The following RNF152 variants were observed in gnomAD, a reference collection of about 807,000 sequenced individuals.
The protein encoded by RNF152 is ring finger protein 152, also known as E3 ubiquitin-protein ligase RNF152.
RNF152 carries 11 observed loss-of-function variants against 12.7 expected under a neutral mutation model. The ratio of observed to expected loss-of-function variants is 0.86; its 90% CI spans 0.54 to 1.43. The LOEUF (loss-of-function observed/expected upper bound fraction) is 1.43, where lower values mean the gene tolerates loss of function less well. Among genes scored for constraint, RNF152 ranks in the 40% most tolerant of loss-of-function variants. The pLI, the probability that RNF152 is intolerant of heterozygous loss-of-function variation, is 0.00. For synonymous variants in RNF152, 113 were observed against 120.3 expected (o/e 0.94, Z 0.40); for missense variants, 255 against 274.8 (o/e 0.93, Z 0.51).
intron 1 of RNF152, among the ~76,000 whole-genome samples, chr18:61,837,293 A>G (rs1159246457): frequency 6.6e-6 from 1 of 152,174 alleles, no homozygotes; most frequent in African/African-American, 2.4e-5. Flanking sequence ...CATGAACCAC[A>G]ATGAGATCCA....
rs554365479 is a variant in RNF152 at position 61,886,981 on chromosome 18, G to A, written c.-136+5814C>T. ...GAGTTGAGAGCTGAACTGAGGCTTC[G>A]ATGATAGGATAGAGGCAGAGGAAGG... is the stretch of plus-strand genomic sequence containing the variant. On this transcript the variant is annotated intron_variant, in intron 1 of 1. Transcript: ENST00000312828. Among the ~76,000 whole-genome samples the A allele has an allele frequency of 1.4e-4, 22 of 152,304 alleles. No individual in the cohort carries two copies. The East Asian group carries it at 4.2e-3, about 29-fold the overall frequency.
chr18:61,837,374 T>G (rs1397868408), intron 1 of RNF152, among the ~76,000 whole-genome samples: 1 of 152,214 alleles, frequency 6.6e-6, no homozygotes. Flanking sequence ...TAGATGATAT[T>G]GAATTAATGT....
At chr18:61,827,760 T>C (rs1460416488) in intron 1 of RNF152, among the ~76,000 whole-genome samples, 9 of 152,180 alleles carry the variant, frequency 5.9e-5, no homozygotes, top group South Asian at 2.1e-4. Flanking sequence ...AAGGCATTGG[T>C]ACTAAAATTA....
At chr18:61,820,917 C>T (rs76607281) in intron 1 of RNF152, among the ~76,000 whole-genome samples, 18,913 of 152,140 alleles carry the variant, frequency 0.12, 1,181 homozygotes, top group African/African-American at 0.14. Flanking sequence ...AGCCTGCTTT[C>T]TCCCTGGCCA....
intron 1 of RNF152, among the ~76,000 whole-genome samples, chr18:61,821,533 A>G (rs550309936): frequency 1.3e-5 from 2 of 152,338 alleles, no homozygotes; most frequent in South Asian, 4.1e-4. Flanking sequence ...CATCAACTAT[A>G]GAAGAAAGAA....
At position 61,809,023 on chromosome 18, in the gene RNF152, G is replaced by C. The variant is rs960007011; in HGVS notation, c.*6829C>G. 2 of 152,298 alleles carry C rather than the reference G, an allele frequency of 1.3e-5. No individual in the cohort carries two copies. Among genetic ancestry groups the C allele is most frequent in the African/African-American group, 4.8e-5 (2 of 41,448 alleles). 9.4% of individuals were successfully genotyped at this position (152,298 alleles called of 1,614,324 possible). On this transcript the variant is annotated 3_prime_UTR_variant, in exon 2 of 2. Transcript: ENST00000312828. ...AGTCCGTACTGGAATGACAGATTGT[G>C]CTTGACTAAGTTGTCCTAGTTGTCC...
At position 61,809,856 on chromosome 18, in the gene RNF152, G is replaced by GAAAAAAAAAA. The variant is rs56397865; in HGVS notation, c.*5986_*5995dup. On this transcript the variant is annotated 3_prime_UTR_variant, in exon 2 of 2. Coordinates refer to ENST00000312828, the MANE Select transcript of RNF152 (RefSeq NM_173557.3). ...TGGGATACCCCAGGCAGTGAATCCT[G>GAAAAAAAAAA]AAAAAAAAAAAAAAAAAAAAAGTCA... 3 of 100,842 alleles carry GAAAAAAAAAA rather than the reference G, an allele frequency of 3.0e-5. No individual in the cohort carries two copies. Among genetic ancestry groups the GAAAAAAAAAA allele is most frequent in the African/African-American group, 7.4e-5 (2 of 27,048 alleles). The allele number at this position is 100,842 out of a possible 1,614,324, so 6.2% of individuals were successfully genotyped here.
intron 1 of RNF152, among the ~76,000 whole-genome samples, chr18:61,879,952 C>A (rs574479279): frequency 6.8e-6 from 1 of 146,006 alleles, no homozygotes; most frequent in African/African-American, 2.5e-5. Context: ...GCAACAAGAG[C>A]GAAACTCCAT....
chr18:61,853,343 A>T, intron 1 of RNF152, among the ~76,000 whole-genome samples: 1 of 141,408 alleles, frequency 7.1e-6, no homozygotes, highest in Admixed American at 7.7e-5. Context: ...GCTGGAGTGT[A>T]ATGGCACACG....
chr18:61,892,948 A>G lies in RNF152; in HGVS notation c.-289T>C, dbSNP rs973403356. ...GTGAAATACATGCAGGAAGGGTTAG[A>G]TACGCGCCGCGGAGAAGGAAATCCA... is the stretch of plus-strand genomic sequence containing the variant. On this transcript the variant is annotated 5_prime_UTR_variant, in exon 1 of 2. Coordinates refer to ENST00000312828, the MANE Select transcript of RNF152 (RefSeq NM_173557.3). 6.6e-6 allele frequency: 1 copy of G among 152,456 alleles called. No homozygotes were observed. The highest frequency in any genetic ancestry group is 1.5e-5 in the Non-Finnish European group (1 of 68,254). 9.4% of individuals were successfully genotyped at this position (152,456 alleles called of 1,614,324 possible). A position where few individuals can be genotyped will look rare whatever the true frequency, so the allele number is the denominator to read the frequency against.
rs567340760 is a variant in RNF152, at chr18:61,820,322, C to T, written c.-135-3724G>A. ...CCAGCCTGGGTGACAGAGAGAGACTCCGTCTCACCAAAAAAAAAAAAAAAA... is the reference window on the plus strand; with the variant it reads ...CCAGCCTGGGTGACAGAGAGAGACTTCGTCTCACCAAAAAAAAAAAAAAAA... On this transcript the variant is annotated intron_variant, in intron 1 of 1. Transcript: ENST00000312828. Among the ~76,000 whole-genome samples the T allele has an allele frequency of 3.3e-4, 36 of 107,686 alleles. No homozygotes were observed. In the South Asian group the frequency reaches 9.5e-3, roughly 28 times the overall value. The allele number at this position is 107,686 out of a possible 152,430, so 70.6% of individuals were successfully genotyped here.
At chr18:61,816,709 G>A in intron 1 of RNF152, 111 bp from the exon 2 acceptor site, 1 of 421,986 alleles carries the variant, frequency 2.4e-6, no homozygotes, top group South Asian at 5.6e-5. Context: ...TGGGCCAAAA[G>A]CCTAAAAATT....
rs968202686 is a variant in RNF152 at position 61,813,908 on chromosome 18, T to C, written c.*1944A>G. 4 of 152,306 alleles carry C rather than the reference T, an allele frequency of 2.6e-5. No individual in the cohort carries two copies. The highest frequency in any genetic ancestry group is 3.4e-3 in the Middle Eastern group (1 of 294). 9.4% of individuals were successfully genotyped at this position (152,306 alleles called of 1,614,324 possible). On this transcript the variant is annotated 3_prime_UTR_variant, in exon 2 of 2. Transcript: ENST00000312828. ...CCCAACAGTATATTATGTTATGTAA[T>C]AGAGGATAGTATTCAGCTAATATGA...
rs74393722 is a variant in RNF152 at position 61,883,384 on chromosome 18, T to C, written c.-136+9411A>G. 3.1e-4 allele frequency among the ~76,000 whole-genome samples: 47 copies of C among 152,332 alleles called. No individual in the cohort carries two copies. The East Asian group carries it at 6.7e-3, about 22-fold the overall frequency. On this transcript the variant is annotated intron_variant, in intron 1 of 1. Coordinates refer to ENST00000312828, the MANE Select transcript of RNF152 (RefSeq NM_173557.3). ...TTGCCTTTATTAAACAGTTCTCTTC[T>C]TTTTAATAATAATAAATATCCCATT... is the stretch of plus-strand genomic sequence containing the variant.
Position 61,813,542 on chromosome 18 carries a change from A to G in RNF152, c.*2310T>C, listed in dbSNP as rs1035175274. ...TTGTTTTTAAGTAAAAGTTCTATGG[A>G]CATTTTTACTCTACAGATTTGCACT... On this transcript the variant is annotated 3_prime_UTR_variant, in exon 2 of 2. Transcript: ENST00000312828. 2 of 152,178 alleles carry G rather than the reference A, an allele frequency of 1.3e-5. No individual in the cohort carries two copies. Among genetic ancestry groups the G allele is most frequent in the Non-Finnish European group, 2.9e-5 (2 of 68,026 alleles). The allele number at this position is 152,178 out of a possible 1,614,324, so 9.4% of individuals were successfully genotyped here.
intron 1 of RNF152, among the ~76,000 whole-genome samples, chr18:61,845,842 C>T (rs1169074981): frequency 6.6e-6 from 1 of 151,636 alleles, no homozygotes; most frequent in Non-Finnish European, 1.5e-5. Flanking sequence ...GCTACAGTCT[C>T]AATGTTTGTG....
At chr18:61,845,226 T>C (rs1169636091) in intron 1 of RNF152, among the ~76,000 whole-genome samples, 1 of 152,210 alleles carries the variant, frequency 6.6e-6, no homozygotes, top group Non-Finnish European at 1.5e-5. Flanking sequence ...AATGGGATAA[T>C]AGGCGTAAGC....
chr18:61,828,829 C>T (rs1474520588), intron 1 of RNF152, among the ~76,000 whole-genome samples: 1 of 152,164 alleles, frequency 6.6e-6, no homozygotes, highest in Non-Finnish European at 1.5e-5. Flanking sequence ...ATAGGGCCCT[C>T]TCCTGCTAAG....
At chr18:61,871,438 G>A (rs965649207) in intron 1 of RNF152, among the ~76,000 whole-genome samples, 1 of 152,078 alleles carries the variant, frequency 6.6e-6, no homozygotes, top group African/African-American at 2.4e-5. Flanking sequence ...ATGACCTCTC[G>A]AGATAGATAT....
Sources: gnomAD v4.1 joint callset for allele counts (sites outside exome capture counted in the v4.1 genomes callset) on GRCh38, gnomAD v4.1.1 for gene constraint, MANE v1.5 for transcripts, NCBI Gene and HGNC (gene_info 2026-07-23, HGNC 2026-07-21) for gene names.